The following SGCZ variants were observed in gnomAD, a reference collection of about 807,000 sequenced individuals.
SGCZ encodes sarcoglycan zeta, also known as zeta-sarcoglycan.
A neutral mutation model predicts 41.3 loss-of-function variants in SGCZ; 40 were observed. That is an observed-to-expected ratio of 0.97 (90% CI 0.75 to 1.26). SGCZ has a LOEUF of 1.26. Among genes scored for constraint, SGCZ ranks in the 50% most tolerant of loss-of-function variants. The pLI is 0.00. For synonymous variants in SGCZ, 206 were observed against 137.5 expected, an observed-to-expected ratio of 1.50 and a Z score of -3.49; for missense variants, 552 against 369.8, an observed-to-expected ratio of 1.49 and a Z score of -4.04.
chr8:15,016,064 T>A (rs2130934464), intron 1 of SGCZ, among the ~76,000 whole-genome samples: 1 of 152,304 alleles, frequency 6.6e-6, no homozygotes, highest in African/African-American at 2.4e-5. Flanking sequence ...CCCTCCATTA[T>A]ATCCTGCTGA....
chr8:14,114,924 G>A (rs1006796836), intron 5 of SGCZ, among the ~76,000 whole-genome samples: 18 of 151,852 alleles, frequency 1.2e-4, no homozygotes, highest in African/African-American at 3.9e-4. Flanking sequence ...AAAATCACAT[G>A]TAAAGAAAAC....
chr8:14,829,082 G>T (rs560111623), intron 1 of SGCZ, among the ~76,000 whole-genome samples: 18 of 152,158 alleles, frequency 1.2e-4, no homozygotes, highest in African/African-American at 4.3e-4. Flanking sequence ...TGTAACAAAG[G>T]TTTGTTCCAA....
intron 2 of SGCZ, among the ~76,000 whole-genome samples, chr8:14,478,920 T>C (rs1801441105): frequency 6.6e-6 from 1 of 152,220 alleles, no homozygotes; most frequent in South Asian, 2.1e-4. Flanking sequence ...TTCCTGTATC[T>C]ACACCTACAT....
intron 1 of SGCZ, among the ~76,000 whole-genome samples, chr8:14,881,227 C>T (rs1306674977): frequency 6.6e-6 from 1 of 152,016 alleles, no homozygotes; most frequent in Non-Finnish European, 1.5e-5. Context: ...TTTTAGAGGC[C>T]TTCAGATTAA....
At chr8:14,958,753 T>A (rs2130847742) in intron 1 of SGCZ, among the ~76,000 whole-genome samples, 1 of 152,230 alleles carries the variant, frequency 6.6e-6, no homozygotes, top group African/African-American at 2.4e-5. Context: ...TATTGAACTC[T>A]ATGATGTTGC....
chr8:14,532,745 T>G (rs1439072700), intron 2 of SGCZ, among the ~76,000 whole-genome samples: 1 of 150,342 alleles, frequency 6.7e-6, no homozygotes. Flanking sequence ...GGTGTTACCA[T>G]AATACAATAA....
chr8:14,153,936 CACAG>C (rs1435689777), intron 5 of SGCZ, among the ~76,000 whole-genome samples: 4 of 119,650 alleles, frequency 3.3e-5, no homozygotes, highest in African/African-American at 1.3e-4. Context: ...CACACACACA[CACAG>C]ACACACACAC....
chr8:14,926,973 A>T (rs533473650), intron 1 of SGCZ, among the ~76,000 whole-genome samples: 2 of 152,132 alleles, frequency 1.3e-5, no homozygotes, highest in South Asian at 4.2e-4. Context: ...TGACATCAAA[A>T]GTCTTTCCTT....
intron 2 of SGCZ, among the ~76,000 whole-genome samples, chr8:14,469,032 T>C (rs182445226): frequency 6.6e-6 from 1 of 151,192 alleles, no homozygotes; most frequent in Non-Finnish European, 1.5e-5. Context: ...TCTTGGCCTG[T>C]TTCTTTCTAA....
chr8:14,280,361 A>G (rs992450875), intron 3 of SGCZ, among the ~76,000 whole-genome samples: 4 of 151,890 alleles, frequency 2.6e-5, no homozygotes, highest in Non-Finnish European at 5.9e-5. Context: ...GAGAATCAGA[A>G]TGATTAAGTG....
chr8:14,719,360 T>G (rs1394905840), intron 1 of SGCZ, among the ~76,000 whole-genome samples: 3 of 150,478 alleles, frequency 2.0e-5, no homozygotes, highest in African/African-American at 4.9e-5. Context: ...GTCCTTTGGG[T>G]ATATACCCAG....
intron 1 of SGCZ, among the ~76,000 whole-genome samples, chr8:15,217,616 G>T (rs916383013): frequency 5.9e-5 from 9 of 152,146 alleles, no homozygotes; most frequent in Non-Finnish European, 7.3e-5. Flanking sequence ...ACGTGGAAGG[G>T]ACGAGACTGG....
At chr8:14,959,548 A>C (rs1800898121) in intron 1 of SGCZ, among the ~76,000 whole-genome samples, 1 of 152,174 alleles carries the variant, frequency 6.6e-6, no homozygotes, top group African/African-American at 2.4e-5. Context: ...TCATTTAACA[A>C]TAGCTAATGC....
At chr8:15,185,194 A>T (rs1376410111) in intron 1 of SGCZ, among the ~76,000 whole-genome samples, 7 of 152,196 alleles carry the variant, frequency 4.6e-5, no homozygotes, top group Non-Finnish European at 1.0e-4. Context: ...GTTAGGAGGA[A>T]AAAATAGAGG....
intron 3 of SGCZ, among the ~76,000 whole-genome samples, chr8:14,286,048 C>G (rs17296241): frequency 0.011 from 1,735 of 151,370 alleles, 17 homozygotes; most frequent in Non-Finnish European, 0.019. Context: ...GCATTTGAGG[C>G]TTAGTTTTAT....
At chr8:14,642,088 T>C (rs1344743297) in intron 1 of SGCZ, among the ~76,000 whole-genome samples, 1 of 151,624 alleles carries the variant, frequency 6.6e-6, no homozygotes, top group East Asian at 1.9e-4. Flanking sequence ...GGAAGTATTT[T>C]ACTAATGGAA....
chr8:15,182,673 T>C (rs1023711130), intron 1 of SGCZ, among the ~76,000 whole-genome samples: 1 of 152,196 alleles, frequency 6.6e-6, no homozygotes, highest in East Asian at 1.9e-4. Flanking sequence ...TGAGTGAATG[T>C]TGAATCCTAG....
intron 1 of SGCZ, among the ~76,000 whole-genome samples, chr8:14,946,905 A>G (rs975138358): frequency 1.3e-5 from 2 of 151,842 alleles, no homozygotes; most frequent in Non-Finnish European, 2.9e-5. Flanking sequence ...CGAACTCCTG[A>G]CCTCATGATC....
intron 1 of SGCZ, among the ~76,000 whole-genome samples, chr8:14,958,015 A>G (rs1005736639): frequency 2.0e-5 from 3 of 152,080 alleles, no homozygotes; most frequent in Non-Finnish European, 4.4e-5. Context: ...AAATTAGCAC[A>G]CTAAAAAGTC....
Sources: gnomAD v4.1 joint callset for allele counts (sites outside exome capture counted in the v4.1 genomes callset) on GRCh38, gnomAD v4.1.1 for gene constraint, MANE v1.5 for transcripts, NCBI Gene and HGNC (gene_info 2026-07-23, HGNC 2026-07-21) for gene names.